CALN1: variants seen among roughly 807,000 people sequenced by gnomAD.
CALN1 encodes the protein calcium-binding protein 8.
CALN1 carries 17 observed loss-of-function variants against 30.6 expected under a neutral mutation model. That is an observed-to-expected ratio of 0.56 (90% confidence interval 0.38 to 0.83). The LOEUF (loss-of-function observed/expected upper bound fraction) is 0.83. Ranked by LOEUF, CALN1 falls within the 40% of genes least tolerant of loss-of-function variation. CALN1 has a pLI of 0.00. For missense variants in CALN1, 291 were observed against 354.9 expected (o/e 0.82, Z 1.45); for synonymous variants, 156 against 131.4 (o/e 1.19, Z -1.28).
chr7:71,815,864 T>C, intron 5 of CALN1, among the ~76,000 whole-genome samples: 1 of 132,476 alleles, frequency 7.5e-6, no homozygotes, highest in African/African-American at 2.8e-5. Context: ...CTTTCCTTCC[T>C]CCCTTCCTTC....
intron 6 of CALN1, among the ~76,000 whole-genome samples, chr7:71,796,464 A>G (rs1266577096): frequency 6.8e-6 from 1 of 148,066 alleles, no homozygotes; most frequent in Non-Finnish European, 1.5e-5. Flanking sequence ...AATTCAAGTG[A>G]TTCTCCTGCC....
At chr7:72,356,204 G>A (rs980495200) in intron 2 of CALN1, among the ~76,000 whole-genome samples, 14 of 152,070 alleles carry the variant, frequency 9.2e-5, no homozygotes, top group African/African-American at 3.1e-4. Context: ...TATTCAGACA[G>A]AAAAAGATAT....
At chr7:72,211,839 T>C (rs1267371111) in intron 3 of CALN1, among the ~76,000 whole-genome samples, 2 of 152,066 alleles carry the variant, frequency 1.3e-5, no homozygotes, top group African/African-American at 4.8e-5. Flanking sequence ...AGTTTCTACA[T>C]CTCTCAAATG....
At chr7:72,337,391 C>T (rs1290169429) in intron 2 of CALN1, among the ~76,000 whole-genome samples, 2 of 139,998 alleles carry the variant, frequency 1.4e-5, no homozygotes, top group Non-Finnish European at 3.1e-5. Context: ...ACCTGAGGAA[C>T]GCCTCGGCGC....
At chr7:71,931,481 G>A (rs1274399813) in intron 5 of CALN1, among the ~76,000 whole-genome samples, 1 of 152,216 alleles carries the variant, frequency 6.6e-6, no homozygotes, top group Non-Finnish European at 1.5e-5. Context: ...TGCCCAGGCT[G>A]TTCTTGAACT....
chr7:72,286,007 G>A (rs890516797), intron 2 of CALN1, among the ~76,000 whole-genome samples: 1 of 152,196 alleles, frequency 6.6e-6, no homozygotes, highest in Non-Finnish European at 1.5e-5. Context: ...CCAAAATAAT[G>A]ATATTCTCAA....
At chr7:72,299,132 C>T (rs1256376911) in intron 2 of CALN1, among the ~76,000 whole-genome samples, 1 of 152,120 alleles carries the variant, frequency 6.6e-6, no homozygotes, top group Non-Finnish European at 1.5e-5. Flanking sequence ...CCAGACCAGA[C>T]AGCATATGGG....
chr7:71,962,970 A>G (rs1434866602), intron 5 of CALN1, among the ~76,000 whole-genome samples: 1 of 152,214 alleles, frequency 6.6e-6, no homozygotes, highest in African/African-American at 2.4e-5. Flanking sequence ...ATTCTCATAT[A>G]TAAGGATCTC....
chr7:72,275,392 T>C (rs536591181), intron 3 of CALN1, among the ~76,000 whole-genome samples: 5 of 152,248 alleles, frequency 3.3e-5, no homozygotes, highest in African/African-American at 1.2e-4. Context: ...TCATCTGAAT[T>C]GATTCAAGCC....
chr7:72,310,388 A>G (rs146480224), intron 2 of CALN1, among the ~76,000 whole-genome samples: 3 of 149,470 alleles, frequency 2.0e-5, no homozygotes, highest in Non-Finnish European at 4.4e-5. Flanking sequence ...TTGGCATTCG[A>G]GATACTACCT....
At chr7:72,324,342 T>C (rs1268825424) in intron 2 of CALN1, among the ~76,000 whole-genome samples, 1 of 152,092 alleles carries the variant, frequency 6.6e-6, no homozygotes, top group Non-Finnish European at 1.5e-5. Context: ...TGAAAAAGCA[T>C]CACTGATAAC....
intron 4 of CALN1, among the ~76,000 whole-genome samples, chr7:72,044,884 C>A (rs1412998812): frequency 6.6e-6 from 1 of 152,122 alleles, no homozygotes; most frequent in African/African-American, 2.4e-5. Context: ...CCTCCCAAAG[C>A]AATGGGATTA....
rs577580590 is a variant in CALN1 at position 72,295,326 on chromosome 7, T to G, written c.120-16516A>C. On this transcript the variant is annotated intron_variant, in intron 2 of 6. Transcript: ENST00000395275. ...TAAAAATAACAAAAACAATACTTATTTTTTTTAAATCACAGAGTGTAGCAA... is the reference window on the plus strand; with the variant it reads ...TAAAAATAACAAAAACAATACTTATGTTTTTTAAATCACAGAGTGTAGCAA... 3.3e-5 allele frequency among the ~76,000 whole-genome samples: 5 copies of G among 152,238 alleles called. No homozygotes were observed. The South Asian group carries it at 6.2e-4, about 19-fold the overall frequency.
intron 3 of CALN1, among the ~76,000 whole-genome samples, chr7:72,208,121 AT>A (rs1344090582): frequency 3.9e-5 from 6 of 152,202 alleles, no homozygotes; most frequent in African/African-American, 1.2e-4. Flanking sequence ...GAAAGTTTTT[AT>A]TTAATAAAAG....
chr7:72,355,686 T>C (rs1803179156), intron 2 of CALN1, among the ~76,000 whole-genome samples: 1 of 152,180 alleles, frequency 6.6e-6, no homozygotes, highest in African/African-American at 2.4e-5. Context: ...AAATTATTCA[T>C]AATACATATC....
chr7:72,159,284 G>A (rs1365112922), intron 3 of CALN1, among the ~76,000 whole-genome samples: 8 of 152,192 alleles, frequency 5.3e-5, no homozygotes, highest in Admixed American at 5.2e-4. Flanking sequence ...GACACTTGTG[G>A]TAGAGATTTA....
At chr7:72,469,512 T>C in the CALN1 span, among the ~76,000 whole-genome samples, 3 of 152,204 alleles carry the variant, frequency 2.0e-5, no homozygotes, top group African/African-American at 7.2e-5. Flanking sequence ...TTTTTGTACC[T>C]CAGCCTCCTG....
intron 3 of CALN1, among the ~76,000 whole-genome samples, chr7:72,206,482 C>T (rs1239266113): frequency 6.6e-6 from 1 of 152,184 alleles, no homozygotes; most frequent in Non-Finnish European, 1.5e-5. Flanking sequence ...GCATGATTTG[C>T]TTCTACTCTT....
intron 2 of CALN1, among the ~76,000 whole-genome samples, chr7:72,305,460 A>G (rs1799586213): frequency 1.3e-5 from 2 of 152,208 alleles, no homozygotes; most frequent in African/African-American, 4.8e-5. Context: ...ACTTCCTTCA[A>G]GATCCCCACG....
Sources: gnomAD v4.1 joint callset for allele counts (sites outside exome capture counted in the v4.1 genomes callset) on GRCh38, gnomAD v4.1.1 for gene constraint, MANE v1.5 for transcripts, NCBI Gene and HGNC (gene_info 2026-07-23, HGNC 2026-07-21) for gene names.